The following ANTXR2 variants were observed in gnomAD, a reference collection of about 807,000 sequenced individuals.
ANTXR2 encodes the protein anthrax toxin receptor 2.
Under a neutral mutation model 73.7 loss-of-function variants are expected in ANTXR2, and 44 were observed. The observed-to-expected ratio is 0.60, with a 90% CI of 0.47 to 0.77. ANTXR2 has a LOEUF of 0.77. Among genes scored for constraint, ANTXR2 ranks in the 30% least tolerant of loss-of-function variants. The pLI is 0.00. For synonymous variants in ANTXR2, 217 were observed against 205.9 expected (o/e 1.05, Z -0.46); for missense variants, 604 against 592.5 (o/e 1.02, Z -0.20).
chr4:79,986,835 G>GCCCAGT (rs1350139132), intron 12 of ANTXR2, among the ~76,000 whole-genome samples: 2 of 152,164 alleles, frequency 1.3e-5, no homozygotes. Context: ...AAAGCCATAT[G>GCCCAGT]CCCAGTCCCA....
chr4:80,018,778 G>A (rs1732002991), intron 11 of ANTXR2, 120 bp downstream of exon 11: 2 of 829,988 alleles, frequency 2.4e-6, no homozygotes, highest in African/African-American at 3.7e-5. Context: ...CCTTGTAATG[G>A]TCTCCAATGT....
At chr4:80,008,057 C>T (rs1731391610) in intron 12 of ANTXR2, among the ~76,000 whole-genome samples, 1 of 152,092 alleles carries the variant, frequency 6.6e-6, no homozygotes, top group Admixed American at 6.6e-5. Context: ...GATATGCTGA[C>T]AATTGTGCAT....
intron 16 of ANTXR2, among the ~76,000 whole-genome samples, chr4:79,937,314 A>G (rs1010696501): frequency 2.6e-5 from 4 of 152,218 alleles, no homozygotes; most frequent in African/African-American, 7.2e-5. Flanking sequence ...CACAAAATTG[A>G]GCAGAAGAAA....
At chr4:79,937,823 T>C (rs1456463402) in intron 16 of ANTXR2, among the ~76,000 whole-genome samples, 1 of 148,916 alleles carries the variant, frequency 6.7e-6, no homozygotes, top group African/African-American at 2.5e-5. Flanking sequence ...ACCGGGTTCA[T>C]CTCACTAGGG....
intron 3 of ANTXR2, among the ~76,000 whole-genome samples, chr4:80,056,519 C>T (rs1042083371): frequency 3.3e-5 from 5 of 151,852 alleles, no homozygotes; most frequent in African/African-American, 1.2e-4. Flanking sequence ...AGTCGTAAGT[C>T]TCATGATTTA....
At chr4:80,017,335 C>A (rs10029133) in intron 11 of ANTXR2, among the ~76,000 whole-genome samples, 72,954 of 152,032 alleles carry the variant, frequency 0.48, 20,138 homozygotes, top group East Asian at 0.93. Context: ...CACTCCCTTA[C>A]CTTCAAGTCT....
intron 16 of ANTXR2, among the ~76,000 whole-genome samples, chr4:79,927,235 C>CA (rs1727853329): frequency 6.6e-6 from 1 of 151,396 alleles, no homozygotes; most frequent in South Asian, 2.1e-4. Context: ...AAAAGAGTTA[C>CA]AAAAATACTG....
chr4:80,052,093 G>A (rs1733796398), intron 7 of ANTXR2, among the ~76,000 whole-genome samples: 1 of 151,510 alleles, frequency 6.6e-6, no homozygotes, highest in African/African-American at 2.4e-5. Flanking sequence ...CCTTCATAGT[G>A]CCACATATCT....
intron 16 of ANTXR2, among the ~76,000 whole-genome samples, chr4:79,951,107 A>G (rs1246780217): frequency 2.0e-5 from 3 of 152,216 alleles, no homozygotes; most frequent in Non-Finnish European, 4.4e-5. Context: ...TAAAACAAAC[A>G]AAAAACCCAA....
rs1726740497 is a variant in ANTXR2 at position 79,902,391 on chromosome 4, T to A, written c.*5038A>T. On this transcript the variant is annotated 3_prime_UTR_variant, in exon 17 of 17. Transcript: ENST00000403729. Reference sequence around the variant, plus strand: ...CTTGCTATGGGTAGCACAGGCATAGTAACTGTCAATTAAGACTTTTTTTCC... The same window carrying A: ...CTTGCTATGGGTAGCACAGGCATAGAAACTGTCAATTAAGACTTTTTTTCC... 1 of 152,178 alleles carries A rather than the reference T, an allele frequency of 6.6e-6. No individual in the cohort carries two copies. Among genetic ancestry groups the A allele is most frequent in the African/African-American group, 2.4e-5 (1 of 41,466 alleles). The allele number at this position is 152,178 out of a possible 1,614,324, so 9.4% of individuals were successfully genotyped here.
At chr4:80,009,204 G>A (rs1193341923) in intron 11 of ANTXR2, among the ~76,000 whole-genome samples, 2 of 152,078 alleles carry the variant, frequency 1.3e-5, no homozygotes, top group African/African-American at 4.8e-5. Context: ...AAACCACAGT[G>A]GTGTTCTTTC....
At chr4:80,033,291 G>T (rs1163591007) in intron 9 of ANTXR2, among the ~76,000 whole-genome samples, 181 bp downstream of exon 9, 1 of 151,866 alleles carries the variant, frequency 6.6e-6, no homozygotes, top group East Asian at 1.9e-4. Context: ...AACAAATGTT[G>T]CCATTATTAA....
chr4:79,953,771 T>C (rs1331968404), intron 16 of ANTXR2, among the ~76,000 whole-genome samples: 2 of 152,108 alleles, frequency 1.3e-5, no homozygotes, highest in African/African-American at 4.8e-5. Context: ...TGTAGGTGCT[T>C]AAAAATCAAT....
intron 10 of ANTXR2, among the ~76,000 whole-genome samples, chr4:80,021,922 G>A (rs182736691): frequency 2.0e-5 from 3 of 152,228 alleles, no homozygotes; most frequent in East Asian, 1.9e-4. Flanking sequence ...CATAATTACA[G>A]GCAATTGTTG....
At chr4:79,918,223 C>T (rs1727430971) in intron 16 of ANTXR2, among the ~76,000 whole-genome samples, 1 of 151,706 alleles carries the variant, frequency 6.6e-6, no homozygotes, top group East Asian at 1.9e-4. Flanking sequence ...AGACAATATC[C>T]AATGGTTTGT....
intron 7 of ANTXR2, among the ~76,000 whole-genome samples, chr4:80,039,176 A>G (rs1047921561): frequency 6.6e-6 from 1 of 152,140 alleles, no homozygotes; most frequent in Non-Finnish European, 1.5e-5. Flanking sequence ...CCAGAAATCT[A>G]TAATTTGAAA....
intron 3 of ANTXR2, among the ~76,000 whole-genome samples, chr4:80,059,485 A>C (rs1047697623): frequency 2.6e-5 from 4 of 151,964 alleles, no homozygotes; most frequent in Admixed American, 2.6e-4. Flanking sequence ...CAGTCTCCCA[A>C]GTAGCTGAGA....
At chr4:79,926,689 TTATC>T (rs1727793384) in intron 16 of ANTXR2, among the ~76,000 whole-genome samples, 1 of 152,142 alleles carries the variant, frequency 6.6e-6, no homozygotes, top group African/African-American at 2.4e-5. Flanking sequence ...CTCTAACTTA[TTATC>T]TAAGTCTTTT....
chr4:79,964,063 A>G (rs1729253527), intron 16 of ANTXR2, among the ~76,000 whole-genome samples: 1 of 152,216 alleles, frequency 6.6e-6, no homozygotes. Context: ...GTAATAAGAA[A>G]CCTTAAAAGT....
Sources: allele counts gnomAD v4.1 joint callset (sites outside exome capture counted in the v4.1 genomes callset), GRCh38; gene constraint gnomAD v4.1.1; transcripts MANE v1.5; gene names NCBI Gene and HGNC (gene_info 2026-07-23, HGNC 2026-07-21).